The following LANCL2 variants were observed in gnomAD, a reference collection of about 807,000 sequenced individuals.
LANCL2 encodes the protein LanC like glutathione S-transferase 2, also known as lanC-like protein 2.
A neutral mutation model predicts 56.9 loss-of-function variants in LANCL2; 33 were observed. That is an observed-to-expected ratio of 0.58 (90% CI 0.44 to 0.78). The LOEUF is 0.78. LANCL2 is among the 30% of genes least tolerant of loss of function. LANCL2 has a pLI of 0.00. For missense variants in LANCL2, 562 were observed against 580.2 expected (o/e 0.97, Z 0.32); for synonymous variants, 233 against 228.2 (o/e 1.02, Z -0.19).
chr7:55,367,523 G>C (rs909862700), intron 1 of LANCL2, among the ~76,000 whole-genome samples: 3 of 152,200 alleles, frequency 2.0e-5, no homozygotes, highest in African/African-American at 7.2e-5. Context: ...CCAGCAGTTC[G>C]AGACCAGCCT....
intron 1 of LANCL2, among the ~76,000 whole-genome samples, 195 bp downstream of exon 1, chr7:55,366,424 T>A (rs972625967): frequency 2.6e-5 from 4 of 152,226 alleles, no homozygotes; most frequent in Non-Finnish European, 5.9e-5. Context: ...ATGAACCACG[T>A]TCCAGCAGTT....
chr7:55,425,545 C>T, intron 7 of LANCL2, 115 bp downstream of exon 7: 1 of 961,776 alleles, frequency 1.0e-6, no homozygotes, highest in Non-Finnish European at 1.6e-6. Context: ...AGTTCTGTAG[C>T]TTCCTCTTTT....
intron 8 of LANCL2, 96 bp from the exon 9 acceptor site, chr7:55,431,130 A>G: frequency 1.2e-6 from 1 of 829,408 alleles, no homozygotes; most frequent in Non-Finnish European, 1.8e-6. Context: ...CCTTTCCCAC[A>G]TGCTTGCAGC....
chr7:55,430,488 A>T (rs1231918780), intron 8 of LANCL2, among the ~76,000 whole-genome samples: 1 of 152,178 alleles, frequency 6.6e-6, no homozygotes, highest in Non-Finnish European at 1.5e-5. Context: ...GAGGGACTGG[A>T]GAGGGGCACT....
chr7:55,429,153 T>G lies in LANCL2; in HGVS notation c.1258+706T>G, dbSNP rs1488824240. On this transcript the variant is annotated intron_variant, in intron 8 of 8. Transcript: ENST00000254770. ...GTCTTGTGCTGTCTTTCTCTGGTTT[T>G]GGTATCAGGGTCATACTGACCTAAT... Among the ~76,000 whole-genome samples, 5 of 152,260 alleles carry G rather than the reference T, an allele frequency of 3.3e-5. No homozygotes were observed. In the South Asian group the frequency reaches 8.3e-4, roughly 25 times the overall value.
chr7:55,370,105 C>T (rs746456472), intron 1 of LANCL2, among the ~76,000 whole-genome samples: 10 of 152,114 alleles, frequency 6.6e-5, no homozygotes, highest in Non-Finnish European at 1.2e-4. Flanking sequence ...CATTTTGAGG[C>T]TTAACTGGGA....
At chr7:55,404,850 G>A (rs950151205) in intron 5 of LANCL2, among the ~76,000 whole-genome samples, 1 of 152,094 alleles carries the variant, frequency 6.6e-6, no homozygotes, top group Non-Finnish European at 1.5e-5. Context: ...CTGACCTCTG[G>A]TGATCCACCC....
chr7:55,367,490 C>T (rs922842540), intron 1 of LANCL2, among the ~76,000 whole-genome samples: 5 of 152,194 alleles, frequency 3.3e-5, no homozygotes, highest in African/African-American at 9.7e-5. Flanking sequence ...TTTGGGAGGC[C>T]GAAGCGGGCT....
rs12513 is a variant in LANCL2, at chr7:55,428,416, C to T, written c.1227C>T (p.Arg409=). The change falls in exon 8 of 9, where the codon CGC becomes CGT. Residue 409 remains arginine (R), a synonymous_variant. Coordinates refer to ENST00000254770, the MANE Select transcript of LANCL2 (RefSeq NM_018697.4). ...WCLDYGAHGC[R]IPDRPYSLFE... ...TAGATTACGGAGCACACGGGTGCCG[C>T]ATTCCTGACAGACCCTATTCGCTCT... The T allele has an allele frequency of 6.2e-7, 1 of 1,614,178 alleles. No individual in the cohort carries two copies. Among genetic ancestry groups the T allele is most frequent in the Non-Finnish European group, 8.5e-7 (1 of 1,179,992 alleles).
chr7:55,408,102 A>G (rs1251040407), intron 5 of LANCL2, among the ~76,000 whole-genome samples: 1 of 152,258 alleles, frequency 6.6e-6, no homozygotes, highest in African/African-American at 2.4e-5. Context: ...CCTCAGGGAA[A>G]TAAGAGAAGC....
intron 1 of LANCL2, among the ~76,000 whole-genome samples, chr7:55,391,102 C>T (rs865948824): frequency 7.3e-5 from 11 of 150,074 alleles, no homozygotes; most frequent in South Asian, 4.2e-4. Context: ...CTGTAAGCTC[C>T]GCCTCCCGGG....
chr7:55,386,081 C>T (rs1285599407), intron 1 of LANCL2, among the ~76,000 whole-genome samples: 1 of 152,164 alleles, frequency 6.6e-6, no homozygotes, highest in Non-Finnish European at 1.5e-5. Flanking sequence ...TGCTGTTATC[C>T]TGTTCTTTTT....
intron 6 of LANCL2, among the ~76,000 whole-genome samples, chr7:55,420,426 C>T (rs532910996): frequency 1.1e-4 from 17 of 152,226 alleles, no homozygotes; most frequent in Admixed American, 3.9e-4. Flanking sequence ...ATATTATGTA[C>T]GATTTAACAT....
intron 1 of LANCL2, among the ~76,000 whole-genome samples, chr7:55,387,913 T>G (rs1302772536): frequency 6.6e-6 from 1 of 152,216 alleles, no homozygotes; most frequent in African/African-American, 2.4e-5. Flanking sequence ...CTTTTCTTCT[T>G]TAACTTTAAA....
chr7:55,417,428 A>C (rs1018476623), intron 6 of LANCL2, among the ~76,000 whole-genome samples: 2 of 152,106 alleles, frequency 1.3e-5, no homozygotes, highest in Non-Finnish European at 2.9e-5. Flanking sequence ...GACTCTATTC[A>C]GTTACTTTGG....
intron 7 of LANCL2, 129 bp downstream of exon 7, chr7:55,425,559 T>C (rs528741684): frequency 1.2e-6 from 1 of 821,590 alleles, no homozygotes; most frequent in African/African-American, 1.7e-5. Context: ...CTCTTTTTCT[T>C]CTGGCACAGC....
chr7:55,406,796 C>T (rs534153946), intron 5 of LANCL2, among the ~76,000 whole-genome samples: 3 of 152,260 alleles, frequency 2.0e-5, no homozygotes, highest in African/African-American at 7.2e-5. Flanking sequence ...CTCAGAACAA[C>T]CAGAAAAACA....
Position 55,413,072 on chromosome 7 carries a change from A to G in LANCL2, c.1008+983A>G, listed in dbSNP as rs371619049. ...AAAATATTCAAATCATATATAAGAT[A>G]TGATCATTCAAGAAAACAACTCAGA... On this transcript the variant is annotated intron_variant, in intron 6 of 8. Coordinates refer to ENST00000254770, the MANE Select transcript of LANCL2 (RefSeq NM_018697.4). Among the ~76,000 whole-genome samples the G allele has an allele frequency of 2.3e-4, 35 of 152,374 alleles. No individual in the cohort carries two copies. The South Asian group carries it at 7.0e-3, about 31-fold the overall frequency.
At chr7:55,403,911 A>G (rs539234210) in intron 5 of LANCL2, among the ~76,000 whole-genome samples, 1 of 151,986 alleles carries the variant, frequency 6.6e-6, no homozygotes, top group Non-Finnish European at 1.5e-5. Context: ...TGTTAATTGC[A>G]GTAGGAACTC....
Sources: allele counts gnomAD v4.1 joint callset (sites outside exome capture counted in the v4.1 genomes callset), GRCh38; gene constraint gnomAD v4.1.1; transcripts MANE v1.5; gene names NCBI Gene and HGNC (gene_info 2026-07-23, HGNC 2026-07-21).